The following CTTNBP2 variants were observed in gnomAD, a reference collection of about 807,000 sequenced individuals.
CTTNBP2 encodes the protein cortactin-binding protein 2.
Under a neutral mutation model 156.9 loss-of-function variants are expected in CTTNBP2, and 108 were observed. The ratio of observed to expected loss-of-function variants is 0.69; its 90% CI spans 0.59 to 0.81. The LOEUF is 0.81. CTTNBP2 is among the 30% of genes least tolerant of loss of function. CTTNBP2 has a pLI of 0.00. For synonymous variants in CTTNBP2, 767 were observed against 751.8 expected, an observed-to-expected ratio of 1.02 and a Z score of -0.33; for missense variants, 1,924 against 2,035.4, an observed-to-expected ratio of 0.95 and a Z score of 1.05.
chr7:117,717,332 TTGC>T (rs1208334283), intron 22 of CTTNBP2, among the ~76,000 whole-genome samples: 1 of 152,158 alleles, frequency 6.6e-6, no homozygotes, highest in Admixed American at 6.5e-5. Flanking sequence ...TTTTTTTTTT[TTGC>T]AATGTATAAG....
intron 2 of CTTNBP2, among the ~76,000 whole-genome samples, chr7:117,827,542 C>T (rs1182653932): frequency 1.3e-5 from 2 of 152,148 alleles, no homozygotes; most frequent in Non-Finnish European, 2.9e-5. Context: ...CGTATACAAA[C>T]AAACAAGCAA....
At chr7:117,731,264 G>T (rs1795382570) in intron 16 of CTTNBP2, among the ~76,000 whole-genome samples, 1 of 152,208 alleles carries the variant, frequency 6.6e-6, no homozygotes, top group Non-Finnish European at 1.5e-5. Context: ...GTTAAATTTT[G>T]CTAGATTTAT....
At chr7:117,768,364 C>A (rs1449434661) in intron 8 of CTTNBP2, among the ~76,000 whole-genome samples, 4 of 151,908 alleles carry the variant, frequency 2.6e-5, no homozygotes, top group Non-Finnish European at 5.9e-5. Flanking sequence ...GAGTTCCAGA[C>A]CAGCCTGGCC....
At chr7:117,785,270 G>T (rs899099761) in intron 4 of CTTNBP2, among the ~76,000 whole-genome samples, 13 of 152,170 alleles carry the variant, frequency 8.5e-5, no homozygotes, top group Non-Finnish European at 1.3e-4. Context: ...CTTTAGAAGA[G>T]AGTCTGTTAA....
chr7:117,814,340 T>A (rs985498399), intron 2 of CTTNBP2, among the ~76,000 whole-genome samples: 1 of 152,132 alleles, frequency 6.6e-6, no homozygotes, highest in Admixed American at 6.6e-5. Context: ...AACTGAGTCA[T>A]ATTGTGACAC....
At position 117,744,999 on chromosome 7, in the gene CTTNBP2, G is replaced by A. The variant is rs570534913; in HGVS notation, c.3535+832C>T. On this transcript the variant is annotated intron_variant, in intron 14 of 22. Transcript: ENST00000160373. ...AACTGCTTCCTTCGCCCCTTCCCCA[G>A]GGGTCTCTGTGGCTTTCAGCCCTAG... Among the ~76,000 whole-genome samples, 6 of 152,278 alleles carry A rather than the reference G, an allele frequency of 3.9e-5. No individual in the cohort carries two copies. The East Asian group carries it at 9.6e-4, about 24-fold the overall frequency.
intron 12 of CTTNBP2, among the ~76,000 whole-genome samples, chr7:117,755,903 G>A (rs1014634622): frequency 6.6e-6 from 1 of 152,166 alleles, no homozygotes; most frequent in Non-Finnish European, 1.5e-5. Flanking sequence ...GAAAGGAAAG[G>A]CCTGCCCTCC....
intron 14 of CTTNBP2, among the ~76,000 whole-genome samples, chr7:117,737,153 C>T (rs1795750667): frequency 6.6e-6 from 1 of 152,026 alleles, no homozygotes; most frequent in Non-Finnish European, 1.5e-5. Flanking sequence ...TGTGTCAGAT[C>T]CCTTTCAACA....
chr7:117,770,613 A>G (rs571105304), intron 8 of CTTNBP2, among the ~76,000 whole-genome samples: 1 of 152,350 alleles, frequency 6.6e-6, no homozygotes, highest in Admixed American at 6.5e-5. Context: ...AGGGGCTATT[A>G]TGAGGGCTAA....
At position 117,760,464 on chromosome 7, in the gene CTTNBP2, C is replaced by T. The variant is rs1260359930; in HGVS notation, c.3143G>A (p.Ser1048Asn). The T allele has an allele frequency of 6.2e-7, 1 of 1,613,952 alleles. No individual in the cohort carries two copies. Among genetic ancestry groups the T allele is most frequent in the East Asian group, 2.2e-5 (1 of 44,894 alleles). Reference sequence around the variant, plus strand: ...CGTGATGGATCGTATGCTTCTTGCACTGAGGCCGATGTTGGAATCAGTGGT... The same window carrying T: ...CGTGATGGATCGTATGCTTCTTGCATTGAGGCCGATGTTGGAATCAGTGGT... ...NNTTDSNIGL[S>N]ARSIRSITLG... is the part of the protein sequence containing the mutation. The change falls in exon 10 of 23, where the codon AGT (serine) becomes AAT (asparagine). Residue 1048 changes from serine (S) to asparagine (N), a missense_variant. Transcript: ENST00000160373.
Position 117,746,100 on chromosome 7 carries a change from C to G in CTTNBP2, c.3349-1G>C. On this transcript the variant is annotated splice_acceptor_variant, in intron 12 of 22. Transcript: ENST00000160373. LOFTEE classifies it high-confidence loss of function. ...AAATGACATTATGATATTGCTCAACCTATTAACAAACCAAGTAGAGAGCTA... is the reference window on the plus strand; with the variant it reads ...AAATGACATTATGATATTGCTCAACGTATTAACAAACCAAGTAGAGAGCTA... 1 of 1,611,796 alleles carries G rather than the reference C, an allele frequency of 6.2e-7. No individual in the cohort carries two copies. The highest frequency in any genetic ancestry group is 8.5e-7 in the Non-Finnish European group (1 of 1,177,958).
At chr7:117,721,785 T>A (rs1584892511) in intron 19 of CTTNBP2, among the ~76,000 whole-genome samples, 1 of 152,176 alleles carries the variant, frequency 6.6e-6, no homozygotes, top group East Asian at 1.9e-4. Context: ...TGCATATCAG[T>A]TATATATACA....
chr7:117,777,489 G>C (rs1350551010), intron 8 of CTTNBP2, 22 bp downstream of exon 8: 1 of 1,606,004 alleles, frequency 6.2e-7, no homozygotes, highest in Non-Finnish European at 8.5e-7. Context: ...TGCATGATGA[G>C]GCCAGCTGCT....
Position 117,792,458 on chromosome 7 carries a change from G to C in CTTNBP2, c.738C>G (p.Asn246Lys). ...GGTCAGTGGTGTGTGCTTCTTCCCG[G>C]TTCAGCTTGGCACGAAGCTGTTCCC... ...TEREQLRAKLNREEAHTTDLK... is the reference protein window; with the variant it reads ...TEREQLRAKLKREEAHTTDLK... The change falls in exon 4 of 23, where the codon AAC (asparagine) becomes AAG (lysine). Residue 246 changes from asparagine to lysine, a missense_variant. Physicochemically the swap from Asn to Lys is moderately conservative, Grantham distance 94. Transcript: ENST00000160373. The surrounding 1 kb of genome is among the most constrained non-coding windows in gnomAD (Gnocchi z 4.2). 1 of 1,614,120 alleles carries C rather than the reference G, an allele frequency of 6.2e-7. No individual in the cohort carries two copies. Among genetic ancestry groups the C allele is most frequent in the African/African-American group, 1.3e-5 (1 of 75,016 alleles).
At chr7:117,718,284 T>C (rs191974311) in intron 21 of CTTNBP2, among the ~76,000 whole-genome samples, 165 bp from the exon 22 acceptor site, 1 of 152,168 alleles carries the variant, frequency 6.6e-6, no homozygotes, top group Admixed American at 6.5e-5. Flanking sequence ...CAAGTCTTAA[T>C]GTAAAACTGA....
chr7:117,756,770 C>A, intron 11 of CTTNBP2, 136 bp from the exon 12 acceptor site: 1 of 680,926 alleles, frequency 1.5e-6, no homozygotes, highest in Non-Finnish European at 2.7e-6. Context: ...GGCCAGGAGG[C>A]ACCAATGTGC....
intron 12 of CTTNBP2, among the ~76,000 whole-genome samples, 171 bp downstream of exon 12, chr7:117,756,384 C>T (rs1306687045): frequency 6.6e-6 from 1 of 151,718 alleles, no homozygotes; most frequent in Non-Finnish European, 1.5e-5. Flanking sequence ...GACAGAAATC[C>T]AGACTATGTA....
Position 117,837,441 on chromosome 7 carries a change from C to T in CTTNBP2, c.189+23768G>A, listed in dbSNP as rs1434660691. On this transcript the variant is annotated intron_variant, in intron 2 of 22. Coordinates refer to ENST00000160373, the MANE Select transcript of CTTNBP2 (RefSeq NM_033427.3). ...GCTACCTTCTCTGCTCTCTCTTCCT[C>T]CCTGTCATTTGCCCTAACCAGCCTC... 2.6e-5 allele frequency among the ~76,000 whole-genome samples: 4 copies of T among 152,294 alleles called. No individual in the cohort carries two copies. The East Asian group carries it at 7.7e-4, about 29-fold the overall frequency.
At position 117,782,922 on chromosome 7, in the gene CTTNBP2, T is replaced by C. The variant is rs771501255; in HGVS notation, c.2312A>G (p.Asn771Ser). The part of the protein sequence containing the change: ...RLLLSAEAQV[N>S]AADKNGFTPL... ...TGTGAAGCCATTTTTATCAGCAGCA[T>C]TGACTTGGGCTTCTGCACTCAGCAG... The change falls in exon 6 of 23, where the codon AAT becomes AGT. Residue 771 changes from asparagine (N) to serine (S), a missense_variant. By Grantham distance (46) the Asn-to-Ser change is conservative. Transcript: ENST00000160373. 1 of 1,614,134 alleles carries C rather than the reference T, an allele frequency of 6.2e-7. No individual in the cohort carries two copies. Among genetic ancestry groups the C allele is most frequent in the East Asian group, 2.2e-5 (1 of 44,890 alleles).
Sources: allele counts gnomAD v4.1 joint callset (sites outside exome capture counted in the v4.1 genomes callset), GRCh38; gene constraint gnomAD v4.1.1; non-coding constraint Gnocchi (gnomAD v3.1); transcripts MANE v1.5; gene names NCBI Gene and HGNC (gene_info 2026-07-23, HGNC 2026-07-21).